The following PRKCB variants were observed in gnomAD, a reference collection of about 807,000 sequenced individuals.
The protein encoded by PRKCB is protein kinase C beta, also known as protein kinase C beta type.
Under a neutral mutation model 81.5 loss-of-function variants are expected in PRKCB, and 13 were observed. The observed-to-expected ratio is 0.16, with a 90% CI of 0.10 to 0.25. The LOEUF (loss-of-function observed/expected upper bound fraction) is 0.25. Ranked by LOEUF, PRKCB falls within the 10% of genes least tolerant of loss-of-function variation. PRKCB has a pLI of 1.00. For missense variants in PRKCB, 509 were observed against 875.7 expected, an observed-to-expected ratio of 0.58 and a Z score of 5.29; for synonymous variants, 335 against 321.4, an observed-to-expected ratio of 1.04 and a Z score of -0.45.
At chr16:23,875,639 ATATATGTATGTATAT>A (rs1472537763) in intron 2 of PRKCB, among the ~76,000 whole-genome samples, 4 of 122,738 alleles carry the variant, frequency 3.3e-5, no homozygotes, top group East Asian at 2.5e-4. Flanking sequence ...TATATCACAC[ATATATGTATGTATAT>A]CACACATATA....
At chr16:23,910,845 G>A (rs1299884570) in intron 2 of PRKCB, among the ~76,000 whole-genome samples, 3 of 151,676 alleles carry the variant, frequency 2.0e-5, no homozygotes, top group Non-Finnish European at 2.9e-5. Context: ...TCTTCCCTGC[G>A]GCCCCTGGTA....
chr16:24,027,142 C>T (rs1026398782), intron 3 of PRKCB, among the ~76,000 whole-genome samples: 4 of 152,164 alleles, frequency 2.6e-5, no homozygotes, highest in African/African-American at 9.7e-5. Flanking sequence ...AATGCCTCCC[C>T]TAGTCCCCCA....
At chr16:23,915,915 A>G (rs1963730560) in intron 2 of PRKCB, among the ~76,000 whole-genome samples, 1 of 152,086 alleles carries the variant, frequency 6.6e-6, no homozygotes, top group Non-Finnish European at 1.5e-5. Context: ...CTACATTTAT[A>G]TGTATTTTAA....
intron 3 of PRKCB, among the ~76,000 whole-genome samples, chr16:24,026,892 T>C (rs1489152458): frequency 6.6e-6 from 1 of 152,220 alleles, no homozygotes; most frequent in Non-Finnish European, 1.5e-5. Context: ...AATCCGTGTC[T>C]TGGAATCCAT....
At chr16:24,130,383 A>G (rs1469760502) in intron 9 of PRKCB, among the ~76,000 whole-genome samples, 1 of 152,170 alleles carries the variant, frequency 6.6e-6, no homozygotes, top group African/African-American at 2.4e-5. Context: ...GGCTCGAGCT[A>G]TAGCTAAAGG....
intron 10 of PRKCB, among the ~76,000 whole-genome samples, chr16:24,158,634 G>C (rs879798434): frequency 6.6e-6 from 1 of 151,708 alleles, no homozygotes. Flanking sequence ...GTATGTGTGT[G>C]TATGTGTATG....
At chr16:23,984,611 A>G (rs1335389487) in intron 2 of PRKCB, among the ~76,000 whole-genome samples, 1 of 152,170 alleles carries the variant, frequency 6.6e-6, no homozygotes, top group East Asian at 1.9e-4. Flanking sequence ...AACTTCTGGA[A>G]AAAAAATAAC....
chr16:24,110,394 A>G (rs1966660532), intron 7 of PRKCB, among the ~76,000 whole-genome samples: 1 of 149,892 alleles, frequency 6.7e-6, no homozygotes, highest in Admixed American at 6.6e-5. Flanking sequence ...TTGTGGTTTT[A>G]GTACAGATGG....
chr16:24,092,191 C>T (rs1966384454), intron 5 of PRKCB, among the ~76,000 whole-genome samples: 2 of 152,160 alleles, frequency 1.3e-5, no homozygotes, highest in African/African-American at 2.4e-5. Context: ...TTCCCTCCAG[C>T]CTCTGGCAAC....
At chr16:24,006,223 G>T (rs912441421) in intron 3 of PRKCB, among the ~76,000 whole-genome samples, 1 of 152,200 alleles carries the variant, frequency 6.6e-6, no homozygotes, top group African/African-American at 2.4e-5. Context: ...ATGCCAAGAG[G>T]ATGCCTTAGA....
intron 2 of PRKCB, among the ~76,000 whole-genome samples, chr16:23,919,764 G>T (rs1003326378): frequency 1.3e-5 from 2 of 152,156 alleles, no homozygotes; most frequent in African/African-American, 4.8e-5. Flanking sequence ...TCCAGTATTT[G>T]TCATCTTAAG....
chr16:23,911,265 C>A (rs909791393), intron 2 of PRKCB, among the ~76,000 whole-genome samples: 3 of 150,344 alleles, frequency 2.0e-5, no homozygotes, highest in Non-Finnish European at 4.4e-5. Flanking sequence ...ATAGCTGGGA[C>A]TACAGGCATG....
At chr16:23,990,211 C>A (rs1005065175) in intron 3 of PRKCB, among the ~76,000 whole-genome samples, 1 of 152,080 alleles carries the variant, frequency 6.6e-6, no homozygotes, top group Admixed American at 6.6e-5. Context: ...GTAATCCCAG[C>A]ACTTTGGGAG....
At chr16:23,994,172 T>C (rs1015344463) in intron 3 of PRKCB, among the ~76,000 whole-genome samples, 27 of 152,210 alleles carry the variant, frequency 1.8e-4, no homozygotes, top group African/African-American at 5.3e-4. Context: ...TACTGAACAC[T>C]AGTTCTGAAC....
intron 3 of PRKCB, among the ~76,000 whole-genome samples, chr16:24,003,622 T>C (rs113147360): frequency 0.018 from 2,740 of 152,248 alleles, 80 homozygotes; most frequent in African/African-American, 0.063. Context: ...TGATCTCAAG[T>C]GATCTCCCTG....
chr16:23,924,383 C>T (rs1451594305), intron 2 of PRKCB, among the ~76,000 whole-genome samples: 1 of 151,922 alleles, frequency 6.6e-6, no homozygotes, highest in Non-Finnish European at 1.5e-5. Flanking sequence ...GTGTGAGAAC[C>T]GACTAATACG....
At chr16:24,168,528 C>A (rs1967381507) in intron 10 of PRKCB, among the ~76,000 whole-genome samples, 1 of 73,352 alleles carries the variant, frequency 1.4e-5, no homozygotes, top group Non-Finnish European at 2.9e-5. Flanking sequence ...CATTATTTTT[C>A]TTTCTTCTTC....
intron 15 of PRKCB, among the ~76,000 whole-genome samples, chr16:24,188,556 A>T (rs1183754208): frequency 6.6e-6 from 1 of 152,046 alleles, no homozygotes; most frequent in Non-Finnish European, 1.5e-5. Flanking sequence ...AGTGTCCTTT[A>T]TATGTCCATT....
chr16:24,109,450 G>A (rs1290558214), intron 7 of PRKCB, among the ~76,000 whole-genome samples: 1 of 112,762 alleles, frequency 8.9e-6, no homozygotes, highest in Non-Finnish European at 1.8e-5. Flanking sequence ...GGGCAGAGGT[G>A]CTCCTCACAT....
Sources: allele counts gnomAD v4.1 joint callset (sites outside exome capture counted in the v4.1 genomes callset), GRCh38; gene constraint gnomAD v4.1.1; transcripts MANE v1.5; gene names NCBI Gene and HGNC (gene_info 2026-07-23, HGNC 2026-07-21).